ACOX1: variants seen among roughly 807,000 people sequenced by gnomAD.
ACOX1 encodes acyl-CoA oxidase 1.
In ACOX1, 41 loss-of-function variants were observed where a neutral mutation model predicts 75.5. That is an observed-to-expected ratio of 0.54 (90% CI 0.42 to 0.70). ACOX1 has a LOEUF of 0.70. ACOX1 is among the 30% of genes least tolerant of loss of function. The pLI, the probability that ACOX1 is intolerant of heterozygous loss-of-function variation, is 0.00. For synonymous variants in ACOX1, 303 were observed against 298.8 expected (o/e 1.01, Z -0.15); for missense variants, 630 against 837.5 (o/e 0.75, Z 3.06).
At chr17:75,953,653 C>CAG (rs2065795489) in intron 6 of ACOX1, 33 bp from the exon 7 acceptor site, 1 of 1,612,600 alleles carries the variant, frequency 6.2e-7, no homozygotes, top group Non-Finnish European at 8.5e-7. Context: ...ATACTTCCTT[C>CAG]TTTTAAGCCC....
intron 4 of ACOX1, among the ~76,000 whole-genome samples, chr17:75,956,172 G>C (rs1486538171): frequency 6.6e-6 from 1 of 152,110 alleles, no homozygotes; most frequent in African/African-American, 2.4e-5. Context: ...CATTTACGTA[G>C]AGAAAATTTT....
intron 3 of ACOX1, among the ~76,000 whole-genome samples, chr17:75,958,744 C>T (rs570140599): frequency 1.8e-4 from 26 of 148,226 alleles, no homozygotes; most frequent in African/African-American, 6.0e-4. Context: ...GAAGGTGGAG[C>T]TTGCAGTGAG....
intron 3 of ACOX1, among the ~76,000 whole-genome samples, chr17:75,958,294 A>T (rs1442627556): frequency 1.3e-5 from 2 of 149,056 alleles, no homozygotes; most frequent in East Asian, 3.9e-4. Flanking sequence ...TGGAGGTTGC[A>T]GTGAGCCAAG....
intron 2 of ACOX1, among the ~76,000 whole-genome samples, chr17:75,970,743 A>T (rs1397705330): frequency 2.0e-5 from 3 of 152,172 alleles, no homozygotes; most frequent in Admixed American, 2.0e-4. Context: ...TCAGAATTTA[A>T]ATAGTTAGAT....
rs1567892328 is a variant in ACOX1, at chr17:75,978,722, G to C, written c.110-29C>G. ...AAAGGGGGTTAAAGGGCATTAAAAG[G>C]CAGACAGACACTCGGGCCTCCGTTC... is the stretch of plus-strand genomic sequence containing the variant. On this transcript the variant is annotated intron_variant, in intron 1 of 13. Transcript: ENST00000293217. This position sits in a 1 kb window ranked among gnomAD's most constrained non-coding sequence, Gnocchi z 4.2. 7 of 1,612,966 alleles carry C rather than the reference G, an allele frequency of 4.3e-6. No homozygotes were observed. The highest frequency in any genetic ancestry group is 5.9e-6 in the Non-Finnish European group (7 of 1,180,026).
chr17:75,975,151 C>T (rs1467786895), intron 2 of ACOX1, among the ~76,000 whole-genome samples: 1 of 151,506 alleles, frequency 6.6e-6, no homozygotes, highest in Non-Finnish European at 1.5e-5. Flanking sequence ...CACGGTTATC[C>T]CCGCCATTTC....
chr17:75,960,133 C>T lies in ACOX1; in HGVS notation c.430+82G>A, dbSNP rs964028479. 1.3e-6 allele frequency: 2 copies of T among 1,548,858 alleles called. No homozygotes were observed. Among genetic ancestry groups the T allele is most frequent in the Middle Eastern group, 2.1e-4 (1 of 4,748 alleles). ...AGACCATAGAACATCGACACACCAT[C>T]GATGGCACATGGTGGGCACTCCACA... On this transcript the variant is annotated intron_variant, in intron 3 of 13. Coordinates refer to ENST00000293217, the MANE Select transcript of ACOX1 (RefSeq NM_004035.7). The surrounding 1 kb of genome is among the most constrained non-coding windows in gnomAD (Gnocchi z 4.4).
chr17:75,948,640 C>T (rs1200993995), intron 12 of ACOX1, among the ~76,000 whole-genome samples, 183 bp from the exon 13 acceptor site: 1 of 151,434 alleles, frequency 6.6e-6, no homozygotes, highest in Non-Finnish European at 1.5e-5. Context: ...CCGCAATCTC[C>T]GCCTCCCAGG....
Position 75,950,999 on chromosome 17 carries a change from G to A in ACOX1, c.1108-35C>T. ...CAAGCACAGATCTGTCAGGACATCT[G>A]TGGTGCTGAGAGCCCGAGAACCAAT... On this transcript the variant is annotated intron_variant, in intron 8 of 13. Transcript: ENST00000293217. This position sits in a 1 kb window ranked among gnomAD's most constrained non-coding sequence, Gnocchi z 4.3. 1 of 1,606,750 alleles carries A rather than the reference G, an allele frequency of 6.2e-7. No individual in the cohort carries two copies. The highest frequency in any genetic ancestry group is 8.5e-7 in the Non-Finnish European group (1 of 1,175,532).
At position 75,978,847 on chromosome 17, in the gene ACOX1, T is replaced by A; in HGVS notation, c.109+118A>T. On this transcript the variant is annotated intron_variant, in intron 1 of 13. Coordinates refer to ENST00000293217, the MANE Select transcript of ACOX1 (RefSeq NM_004035.7). The surrounding 1 kb of genome is among the most constrained non-coding windows in gnomAD (Gnocchi z 4.2). ...CACAGGCTGTTCCTCGAAGTGGGGG[T>A]CCCGGCTCCCCTAACGCTGGGCCAG... 1 of 1,596,960 alleles carries A rather than the reference T, an allele frequency of 6.3e-7. No individual in the cohort carries two copies. The highest frequency in any genetic ancestry group is 8.5e-7 in the Non-Finnish European group (1 of 1,176,082).
chr17:75,955,564 A>G lies in ACOX1; in HGVS notation c.774+2T>C. Reference sequence around the variant, plus strand: ...TCTGCTTTATTTTCTATCAAAACATACCTGGGCATACTTCATCAGCATGTT... The same window carrying G: ...TCTGCTTTATTTTCTATCAAAACATGCCTGGGCATACTTCATCAGCATGTT... On this transcript the variant is annotated splice_donor_variant, in intron 6 of 13. Coordinates refer to ENST00000293217, the MANE Select transcript of ACOX1 (RefSeq NM_004035.7). LOFTEE classifies it high-confidence loss of function. The G allele has an allele frequency of 6.2e-7, 1 of 1,611,788 alleles. No individual in the cohort carries two copies. Among genetic ancestry groups the G allele is most frequent in the Non-Finnish European group, 8.5e-7 (1 of 1,177,846 alleles).
chr17:75,978,767 T>C lies in ACOX1; in HGVS notation c.110-74A>G, dbSNP rs2066083987. On this transcript the variant is annotated intron_variant, in intron 1 of 13. Transcript: ENST00000293217. The surrounding 1 kb of genome is among the most constrained non-coding windows in gnomAD (Gnocchi z 4.2). Reference sequence around the variant, plus strand: ...CCGTTCCACCCTCCCTGAATCACAATAGGCTTCAGAGTCGCGGACACACCT... The same window carrying C: ...CCGTTCCACCCTCCCTGAATCACAACAGGCTTCAGAGTCGCGGACACACCT... The C allele has an allele frequency of 2.5e-6, 4 of 1,611,202 alleles. No individual in the cohort carries two copies. Among genetic ancestry groups the C allele is most frequent in the Non-Finnish European group, 3.4e-6 (4 of 1,179,914 alleles).
At chr17:75,963,362 T>C (rs925680028) in intron 2 of ACOX1, among the ~76,000 whole-genome samples, 26 of 152,042 alleles carry the variant, frequency 1.7e-4, no homozygotes, top group African/African-American at 5.8e-4. Flanking sequence ...CCTCGTCCTG[T>C]CTCCTAGCTG....
At chr17:75,964,895 GA>G (rs2065916485) in intron 2 of ACOX1, among the ~76,000 whole-genome samples, 1 of 151,948 alleles carries the variant, frequency 6.6e-6, no homozygotes, top group Admixed American at 6.6e-5. Flanking sequence ...CAATACTGAG[GA>G]AAAACCAATT....
intron 2 of ACOX1, among the ~76,000 whole-genome samples, chr17:75,967,621 T>TAC (rs1164687501): frequency 2.2e-5 from 2 of 92,012 alleles, no homozygotes; most frequent in African/African-American, 1.1e-4. Context: ...TATACATACA[T>TAC]ATATATATAC....
chr17:75,976,029 T>C (rs891252742), intron 2 of ACOX1, among the ~76,000 whole-genome samples: 3 of 152,204 alleles, frequency 2.0e-5, no homozygotes, highest in African/African-American at 7.2e-5. Context: ...GGCAGCATTC[T>C]TTCTTTCTTA....
At chr17:75,967,619 CATATATATATACATACATATAT>C (rs1567884990) in intron 2 of ACOX1, among the ~76,000 whole-genome samples, 1 of 131,286 alleles carries the variant, frequency 7.6e-6, no homozygotes, top group Non-Finnish European at 1.6e-5. Flanking sequence ...TATATACATA[CATATATATATACATACATATAT>C]ATACGTATAT....
rs1003737556 is a variant in ACOX1, at chr17:75,946,663, C to T, written c.*85G>A. 6 of 1,133,978 alleles carry T rather than the reference C, an allele frequency of 5.3e-6. No homozygotes were observed. In the African/African-American group the frequency reaches 6.1e-5, roughly 12 times the overall value. 70.2% of individuals were successfully genotyped at this position (1,133,978 alleles called of 1,614,324 possible). ...GGTCAATTTATCATTTGCTCTATAG[C>T]TATTTGAATTCGAAAAAGATTCCAC... On this transcript the variant is annotated 3_prime_UTR_variant, in exon 14 of 14. Coordinates refer to ENST00000293217, the MANE Select transcript of ACOX1 (RefSeq NM_004035.7).
intron 2 of ACOX1, among the ~76,000 whole-genome samples, chr17:75,961,314 G>A (rs527835106): frequency 3.3e-5 from 5 of 149,692 alleles, no homozygotes; most frequent in Non-Finnish European, 4.5e-5. Flanking sequence ...AAAAAAGAGA[G>A]AGAGAATTTG....
Sources: gnomAD v4.1 joint callset for allele counts (sites outside exome capture counted in the v4.1 genomes callset) on GRCh38, gnomAD v4.1.1 for gene constraint, Gnocchi (gnomAD v3.1) non-coding constraint, MANE v1.5 for transcripts, NCBI Gene and HGNC (gene_info 2026-07-23, HGNC 2026-07-21) for gene names.